Variants in MBOAT2 observed in about 807,000 individuals in gnomAD.
MBOAT2 encodes membrane-bound glycerophospholipid O-acyltransferase 2.
In MBOAT2, 28 loss-of-function variants were observed where a neutral mutation model predicts 63.4. The observed-to-expected ratio is 0.44, with a 90% CI of 0.33 to 0.61. The LOEUF is 0.61. Among genes scored for constraint, MBOAT2 ranks in the 20% least tolerant of loss-of-function variants. The pLI, the probability that MBOAT2 is intolerant of heterozygous loss-of-function variation, is 0.03. For missense variants in MBOAT2, 470 were observed against 605.8 expected (o/e 0.78, Z 2.35); for synonymous variants, 211 against 215.6 (o/e 0.98, Z 0.19).
intron 3 of MBOAT2, among the ~76,000 whole-genome samples, chr2:8,936,650 T>C (rs567405183): frequency 6.6e-6 from 1 of 151,510 alleles, no homozygotes; most frequent in South Asian, 2.1e-4. Flanking sequence ...GGCATAGTGG[T>C]GCATGCCTGT....
chr2:8,933,487 G>A (rs1667459004), intron 3 of MBOAT2, among the ~76,000 whole-genome samples: 1 of 152,052 alleles, frequency 6.6e-6, no homozygotes, highest in Non-Finnish European at 1.5e-5. Flanking sequence ...GTGACTACAG[G>A]TATATCACCA....
At chr2:8,888,714 T>G (rs983031626) in intron 4 of MBOAT2, among the ~76,000 whole-genome samples, 11 of 152,144 alleles carry the variant, frequency 7.2e-5, no homozygotes, top group Non-Finnish European at 1.5e-4. Flanking sequence ...AAAGATGACA[T>G]TAGCTTACAG....
At chr2:8,913,170 T>C (rs1665914779) in intron 3 of MBOAT2, among the ~76,000 whole-genome samples, 1 of 152,154 alleles carries the variant, frequency 6.6e-6, no homozygotes, top group Non-Finnish European at 1.5e-5. Context: ...TCTCTCACCT[T>C]ATACAAAAAT....
At chr2:8,985,266 G>C (rs1415018882) in intron 1 of MBOAT2, among the ~76,000 whole-genome samples, 2 of 152,096 alleles carry the variant, frequency 1.3e-5, no homozygotes, top group East Asian at 3.9e-4. Flanking sequence ...AATGCTTTCA[G>C]GGGAAAAGAA....
At chr2:8,978,664 G>T (rs567243650) in intron 1 of MBOAT2, among the ~76,000 whole-genome samples, 8 of 152,024 alleles carry the variant, frequency 5.3e-5, no homozygotes, top group Admixed American at 5.2e-4. Flanking sequence ...GGCCAGTCAG[G>T]GGGTGGGGAG....
At chr2:8,881,537 G>C (rs1470708274) in intron 6 of MBOAT2, among the ~76,000 whole-genome samples, 2 of 152,190 alleles carry the variant, frequency 1.3e-5, no homozygotes, top group Non-Finnish European at 2.9e-5. Flanking sequence ...GGGTTACCCA[G>C]GTCTGGGGAT....
At chr2:8,878,508 T>C (rs761390991) in intron 6 of MBOAT2, among the ~76,000 whole-genome samples, 2 of 152,098 alleles carry the variant, frequency 1.3e-5, no homozygotes, top group Non-Finnish European at 2.9e-5. Context: ...GTTGAGAGAA[T>C]ACCCTCATAA....
At position 8,853,945 on chromosome 2, in the gene MBOAT2, T is replaced by C. The variant is rs1335157660; in HGVS notation, c.*4734A>G. The C allele has an allele frequency of 2.0e-5, 3 of 152,164 alleles. No individual in the cohort carries two copies. The highest frequency in any genetic ancestry group is 1.3e-4 in the Admixed American group (2 of 15,268). The allele number at this position is 152,164 out of a possible 1,614,324, so 9.4% of individuals were successfully genotyped here. A position where few individuals can be genotyped will look rare whatever the true frequency, so the allele number is the denominator to read the frequency against. ...ATGTTAAAAAACCTATTAAAATAAA[T>C]ATTATTTTAAAACATACAAAAACAT... On this transcript the variant is annotated 3_prime_UTR_variant, in exon 13 of 13. Transcript: ENST00000305997.
At chr2:8,984,193 T>C (rs1215175493) in intron 1 of MBOAT2, among the ~76,000 whole-genome samples, 1 of 152,160 alleles carries the variant, frequency 6.6e-6, no homozygotes, top group Non-Finnish European at 1.5e-5. Flanking sequence ...TTACACGAAG[T>C]ATCTAGAACA....
chr2:8,960,143 G>C (rs1032919846), intron 1 of MBOAT2, among the ~76,000 whole-genome samples: 1 of 152,082 alleles, frequency 6.6e-6, no homozygotes, highest in African/African-American at 2.4e-5. Flanking sequence ...GGGTTCTAAT[G>C]GCATTTTTTT....
At chr2:8,999,834 A>G (rs1672560623) in intron 1 of MBOAT2, among the ~76,000 whole-genome samples, 1 of 152,254 alleles carries the variant, frequency 6.6e-6, no homozygotes, top group Admixed American at 6.5e-5. Flanking sequence ...TCACTTGATA[A>G]TAGATTCTAC....
At chr2:8,894,853 C>T (rs1664312129) in intron 4 of MBOAT2, among the ~76,000 whole-genome samples, 1 of 150,500 alleles carries the variant, frequency 6.6e-6, no homozygotes, top group African/African-American at 2.5e-5. Context: ...TGTTACAGCT[C>T]TTAAAGGCGG....
At chr2:8,938,769 T>C (rs1667849127) in intron 3 of MBOAT2, among the ~76,000 whole-genome samples, 1 of 151,856 alleles carries the variant, frequency 6.6e-6, no homozygotes. Flanking sequence ...CCGTGTTTCA[T>C]GCCACCGTGT....
chr2:8,994,102 C>CT (rs1672103158), intron 1 of MBOAT2, among the ~76,000 whole-genome samples: 2 of 152,200 alleles, frequency 1.3e-5, no homozygotes, highest in African/African-American at 4.8e-5. Context: ...CCAGTCTATG[C>CT]TTTCATCACA....
chr2:8,977,788 C>T (rs1309557623), intron 1 of MBOAT2, among the ~76,000 whole-genome samples: 12 of 152,110 alleles, frequency 7.9e-5, no homozygotes, highest in Non-Finnish European at 1.8e-4. Context: ...CCCTCACCAC[C>T]AACTTCTCCT....
intron 12 of MBOAT2, among the ~76,000 whole-genome samples, chr2:8,859,346 AG>A (rs1372312626): frequency 1.3e-5 from 2 of 152,174 alleles, no homozygotes; most frequent in South Asian, 4.1e-4. Flanking sequence ...ATTCTAACGG[AG>A]GGGAGTGACA....
At chr2:8,935,353 C>T (rs925934932) in intron 3 of MBOAT2, among the ~76,000 whole-genome samples, 2 of 152,208 alleles carry the variant, frequency 1.3e-5, no homozygotes, top group African/African-American at 4.8e-5. Flanking sequence ...CAGAATACAA[C>T]AGATAACTTC....
rs1217862951 is a variant in MBOAT2, at chr2:8,854,544, T to C, written c.*4135A>G. On this transcript the variant is annotated 3_prime_UTR_variant, in exon 13 of 13. Transcript: ENST00000305997. ...AAATTTTTAGCTGACACAGATATAG[T>C]AGGCACTATTCTGAAACAATTATTT... 6.6e-6 allele frequency: 1 copy of C among 152,244 alleles called. No homozygotes were observed. Among genetic ancestry groups the C allele is most frequent in the Non-Finnish European group, 1.5e-5 (1 of 68,046 alleles). The allele number at this position is 152,244 out of a possible 1,614,324, so 9.4% of individuals were successfully genotyped here. A position where few individuals can be genotyped will look rare whatever the true frequency, so the allele number is the denominator to read the frequency against.
At chr2:8,987,056 G>T (rs1398342272) in intron 1 of MBOAT2, among the ~76,000 whole-genome samples, 1 of 152,102 alleles carries the variant, frequency 6.6e-6, no homozygotes, top group East Asian at 1.9e-4. Flanking sequence ...ATCAAATAAA[G>T]TATAGAGTTT....
Sources: allele counts gnomAD v4.1 joint callset (sites outside exome capture counted in the v4.1 genomes callset), GRCh38; gene constraint gnomAD v4.1.1; transcripts MANE v1.5; gene names NCBI Gene and HGNC (gene_info 2026-07-23, HGNC 2026-07-21).